Variants in P2RX5 observed in about 807,000 individuals in gnomAD.
The protein encoded by P2RX5 is P2X purinoceptor 5.
In P2RX5, 46 loss-of-function variants were observed where a neutral mutation model predicts 54.1. That is an observed-to-expected ratio of 0.85 (90% CI 0.67 to 1.09). The LOEUF is 1.09. Ranked by LOEUF, P2RX5 falls within the 50% of genes least tolerant of loss-of-function variation. The pLI, the probability that P2RX5 is intolerant of heterozygous loss-of-function variation, is 0.00. For missense variants in P2RX5, 566 were observed against 549.8 expected, an observed-to-expected ratio of 1.03 and a Z score of -0.29; for synonymous variants, 226 against 226.4, an observed-to-expected ratio of 1.00 and a Z score of 0.02.
upstream of P2RX5, among the ~76,000 whole-genome samples, chr17:3,699,917 G>GGAAAGAAAGAAAGAAAGAAA (rs71362545): frequency 5.3e-5 from 4 of 75,434 alleles, no homozygotes; most frequent in African/African-American, 1.9e-4. Context: ...AAGGAAGGAA[G>GGAAAGAAAGAAAGAAAGAAA]GAAAGAAAGA....
chr17:3,677,816 C>T (rs150850), intron 11 of P2RX5: 514,828 of 984,934 alleles, frequency 0.52, 136,074 homozygotes, highest in East Asian at 0.77. Context: ...ACTCCACTTC[C>T]GCTCAGCACC....
chr17:3,679,541 C>G (rs1373040868), intron 11 of P2RX5, 49 bp downstream of exon 11: 1 of 1,573,016 alleles, frequency 6.4e-7, no homozygotes, highest in South Asian at 1.1e-5. Context: ...CTGGGGACCC[C>G]TCTCTGCAGG....
At chr17:3,700,953 GT>G (rs1389358924), upstream of P2RX5, among the ~76,000 whole-genome samples, 1 of 152,132 alleles carries the variant, frequency 6.6e-6, no homozygotes, top group East Asian at 1.9e-4. Flanking sequence ...CGAATGGCTG[GT>G]GTTCAGAGCA....
chr17:3,680,532 ACCCAGCG>A (rs2050235370), intron 10 of P2RX5, among the ~76,000 whole-genome samples: 1 of 119,604 alleles, frequency 8.4e-6, no homozygotes, highest in Non-Finnish European at 1.7e-5. Flanking sequence ...TGCGTCCTCC[ACCCAGCG>A]TCCTCCACCC....
intron 1 of P2RX5, chr17:3,692,141 C>CAA (rs11419514): frequency 0.023 from 3,325 of 143,136 alleles, 39 homozygotes; most frequent in Middle Eastern, 0.032. Flanking sequence ...TGTCTCTACT[C>CAA]AAAAAAAAAA....
At chr17:3,676,349 A>T (rs982304344) in intron 11 of P2RX5, 18 of 985,316 alleles carry the variant, frequency 1.8e-5, no homozygotes, top group Non-Finnish European at 2.2e-5. Flanking sequence ...GTAAGAAACC[A>T]CACGAGTTTT....
chr17:3,679,718 G>A lies in P2RX5; in HGVS notation c.1131C>T (p.Leu377=). 6.2e-7 allele frequency: 1 copy of A among 1,612,522 alleles called. No individual in the cohort carries two copies. The highest frequency in any genetic ancestry group is 8.5e-7 in the Non-Finnish European group (1 of 1,179,826). Residue 377 remains leucine (L), a synonymous_variant, in exon 11 of 12, where the codon CTC becomes CTT. Transcript: ENST00000225328. Reference sequence around the variant, plus strand: ...TCCCCAGCAGCCCTGGCCCAGATGTGAGCTGCTCAGATAGCCCCAGCCCCG... The same window carrying A: ...TCCCCAGCAGCCCTGGCCCAGATGTAAGCTGCTCAGATAGCCCCAGCCCCG... The part of the protein sequence containing the change: ...EASGLGLSEQ[L]TSGPGLLGMP...
the P2RX5 span, among the ~76,000 whole-genome samples, chr17:3,703,116 C>T: frequency 6.6e-6 from 1 of 152,206 alleles, no homozygotes; most frequent in South Asian, 2.1e-4. Context: ...AGTATCTGTT[C>T]CTTCTACACA....
chr17:3,685,326 A>G (rs2142999038), intron 9 of P2RX5, among the ~76,000 whole-genome samples: 1 of 152,288 alleles, frequency 6.6e-6, no homozygotes, highest in East Asian at 1.9e-4. Context: ...TGTCACTGCT[A>G]CCTGAGGACA....
At chr17:3,685,766 CCCAACG>C (rs2050442756) in intron 9 of P2RX5, among the ~76,000 whole-genome samples, 1 of 16,730 alleles carries the variant, frequency 6.0e-5, no homozygotes, top group Non-Finnish European at 3.4e-4. Flanking sequence ...CAGGGACCCT[CCCAACG>C]TCCCCCGCCC....
In P2RX5 at chr17:3,679,801, C is replaced by T. The variant is rs1249779104; in HGVS notation, c.1065-17G>A. ...TCTAGGCCCCTGGACAAGATACAAG[C>T]TGTTCACCTGGGACGGCCCTGCAGG... On this transcript the variant is annotated splice_polypyrimidine_tract_variant and intron_variant, in intron 10 of 11. Transcript: ENST00000225328. 1 of 1,605,734 alleles carries T rather than the reference C, an allele frequency of 6.2e-7. No homozygotes were observed. The highest frequency in any genetic ancestry group is 8.5e-7 in the Non-Finnish European group (1 of 1,178,904).
intron 9 of P2RX5, among the ~76,000 whole-genome samples, chr17:3,683,639 A>C (rs1434604806): frequency 1.3e-5 from 2 of 151,958 alleles, no homozygotes; most frequent in Non-Finnish European, 2.9e-5. Context: ...CTGAGGCAGA[A>C]GAATTGCTTG....
intron 9 of P2RX5, among the ~76,000 whole-genome samples, chr17:3,684,295 G>A (rs1298121964): frequency 2.6e-5 from 4 of 152,184 alleles, no homozygotes; most frequent in East Asian, 1.9e-4. Flanking sequence ...GGTAGAAACC[G>A]GGAATGCTCT....
At chr17:3,684,657 A>AAAT (rs1228530537) in intron 9 of P2RX5, among the ~76,000 whole-genome samples, 1 of 152,162 alleles carries the variant, frequency 6.6e-6, no homozygotes. Context: ...GAAAAGTGTG[A>AAAT]AATATGAAAT....
the P2RX5 span, among the ~76,000 whole-genome samples, chr17:3,706,574 C>T: frequency 6.7e-6 from 1 of 149,998 alleles, no homozygotes; most frequent in Admixed American, 6.9e-5. Flanking sequence ...GCGGCTCCCA[C>T]ATCACCACCA....
At chr17:3,699,095 C>CACACACATATA (rs60173844), upstream of P2RX5, among the ~76,000 whole-genome samples, 206 of 100,246 alleles carry the variant, frequency 2.1e-3, 1 homozygote, top group African/African-American at 6.7e-3. Context: ...ACACACACAC[C>CACACACATATA]TATATATATA....
chr17:3,694,210 A>C (rs2050694580), intron 1 of P2RX5, among the ~76,000 whole-genome samples: 1 of 145,072 alleles, frequency 6.9e-6, no homozygotes, highest in Non-Finnish European at 1.5e-5. Flanking sequence ...TGAAAACATG[A>C]CACCAAGTGA....
chr17:3,716,883 CGA>C, the P2RX5 span: 1 of 768,230 alleles, frequency 1.3e-6, no homozygotes, highest in Non-Finnish European at 2.2e-6. Context: ...GAGCAAAATA[CGA>C]GGACTTGGCA....
At chr17:3,703,573 T>G in the P2RX5 span, among the ~76,000 whole-genome samples, 1 of 152,006 alleles carries the variant, frequency 6.6e-6, no homozygotes, top group African/African-American at 2.4e-5. Context: ...GATGAAGTGC[T>G]TCCAAGAGGA....
Sources: allele counts gnomAD v4.1 joint callset (sites outside exome capture counted in the v4.1 genomes callset), GRCh38; gene constraint gnomAD v4.1.1; transcripts MANE v1.5; gene names NCBI Gene and HGNC (gene_info 2026-07-23, HGNC 2026-07-21).